The following RYR3 variants were observed in gnomAD, a reference collection of about 807,000 sequenced individuals.
The protein encoded by RYR3 is brain ryanodine receptor-calcium release channel.
RYR3 carries 207 observed loss-of-function variants against 584.3 expected under a neutral mutation model. The ratio of observed to expected loss-of-function variants is 0.35; its 90% CI spans 0.32 to 0.40. The LOEUF (loss-of-function observed/expected upper bound fraction) is 0.40, where lower values mean the gene tolerates loss of function less well. Ranked by LOEUF, RYR3 falls within the 10% of genes least tolerant of loss-of-function variation. RYR3 has a pLI of 1.00. For missense variants in RYR3, 5,616 were observed against 6,089.2 expected (o/e 0.92, Z 2.59); for synonymous variants, 2,416 against 2,248.5 (o/e 1.07, Z -2.11).
intron 98 of RYR3, among the ~76,000 whole-genome samples, 196 bp from the exon 99 acceptor site, chr15:33,857,584 C>G (rs9806577): frequency 0.038 from 5,768 of 152,202 alleles, 356 homozygotes; most frequent in African/African-American, 0.13. Flanking sequence ...AGGAAGCCCG[C>G]TTCTCTTTAC....
In RYR3 at chr15:33,704,296, AG is replaced by A. The variant is rs1308138296; in HGVS notation, c.6484-2622del. On this transcript the variant is annotated intron_variant, in intron 42 of 103. Transcript: ENST00000634891. ...GACTCCGTCTCAAAAAAAAAAAAAA[AG>A]AAAGAAAAAAATCTGCTGAAAGAAG... Among the ~76,000 whole-genome samples the A allele has an allele frequency of 1.7e-4, 26 of 151,364 alleles. 1 individual carries two copies. Among genetic ancestry groups the A allele is most frequent in the Admixed American group, 1.6e-3 (24 of 15,218 alleles).
In RYR3 at chr15:33,628,517, A is replaced by C. The variant is rs372568152; in HGVS notation, c.2621A>C (p.Glu874Ala). The C allele has an allele frequency of 2.2e-5, 35 of 1,613,762 alleles. 1 individual carries two copies. Among genetic ancestry groups the C allele is most frequent in the Non-Finnish European group, 2.6e-5 (31 of 1,179,776 alleles). The change falls in exon 21 of 104, where the codon GAA becomes GCA. Residue 874 changes from glutamate (E) to alanine (A), a missense_variant. This residue lies in a region of RYR3 where 1,284 missense variants were observed against 1,344.6 expected (regional missense o/e 0.95). Transcript: ENST00000634891. Reference sequence around the variant, plus strand: ...GAAAAGATCCGAGACAGACTAGCTGAAAACATCCATGAGCTTTGGGGAATG... The same window carrying C: ...GAAAAGATCCGAGACAGACTAGCTGCAAACATCCATGAGCTTTGGGGAATG... ...HLEKIRDRLA[E>A]NIHELWGMNK...
intron 19 of RYR3, among the ~76,000 whole-genome samples, chr15:33,618,217 A>G (rs2060548860): frequency 1.3e-5 from 2 of 152,338 alleles, no homozygotes; most frequent in South Asian, 2.1e-4. Context: ...TTATGGCTAT[A>G]GTTAAACTCC....
chr15:33,414,772 T>C (rs2043673106), intron 1 of RYR3, among the ~76,000 whole-genome samples: 2 of 152,116 alleles, frequency 1.3e-5, no homozygotes, highest in African/African-American at 4.8e-5. Flanking sequence ...TTTTGTATTT[T>C]TAGTAGAGAC....
In RYR3 at chr15:33,722,808, A is replaced by G. The variant is rs2068044732; in HGVS notation, c.6713A>G (p.Asn2238Ser). 2 of 1,613,260 alleles carry G rather than the reference A, an allele frequency of 1.2e-6. No individual in the cohort carries two copies. The highest frequency in any genetic ancestry group is 1.7e-6 in the Non-Finnish European group (2 of 1,179,666). The change falls in exon 44 of 104, where the codon AAC becomes AGC. Residue 2238 changes from asparagine to serine, a missense_variant. By Grantham distance (46) the Asn-to-Ser change is conservative. This residue lies in a region of RYR3 where 1,280 missense variants were observed against 1,426.2 expected (regional missense o/e 0.90). Coordinates refer to ENST00000634891, the MANE Select transcript of RYR3 (RefSeq NM_001036.6). Reference sequence around the variant, plus strand: ...CCGGCCCTGCGGGGTGAGGGGGGAAACGGGCTCTTGGCAGCCATGCAGGGT... The same window carrying G: ...CCGGCCCTGCGGGGTGAGGGGGGAAGCGGGCTCTTGGCAGCCATGCAGGGT... ...FGPALRGEGGNGLLAAMQGAI... is the reference protein window; with the variant it reads ...FGPALRGEGGSGLLAAMQGAI...
In RYR3 at chr15:33,311,573, A is replaced by T. The variant is rs1160150398; in HGVS notation, c.51+477A>T. ...GGAAGGAGCCAGCGGGGCAGGGGGG[A>T]GTGTGGGGAGCCGGGTCGGAGAAGC... On this transcript the variant is annotated intron_variant, in intron 1 of 103. Transcript: ENST00000634891. The surrounding 1 kb of genome is among the most constrained non-coding windows in gnomAD (Gnocchi z 4.4). 6.6e-6 allele frequency among the ~76,000 whole-genome samples: 1 copy of T among 151,540 alleles called. No homozygotes were observed. Among genetic ancestry groups the T allele is most frequent in the Non-Finnish European group, 1.5e-5 (1 of 67,870 alleles).
At chr15:33,338,234 C>T (rs1053330804) in intron 1 of RYR3, among the ~76,000 whole-genome samples, 1 of 152,068 alleles carries the variant, frequency 6.6e-6, no homozygotes, top group African/African-American at 2.4e-5. Flanking sequence ...CGTGAGCCAC[C>T]GCACCCGGCC....
intron 1 of RYR3, among the ~76,000 whole-genome samples, chr15:33,425,888 C>T (rs34115810): frequency 0.024 from 3,691 of 152,146 alleles, 67 homozygotes; most frequent in Non-Finnish European, 0.033. Context: ...GTGATCCGCC[C>T]GCCTTGGCCT....
intron 3 of RYR3, 57 bp downstream of exon 3, chr15:33,503,795 A>G (rs2052219488): frequency 1.0e-6 from 1 of 979,838 alleles, no homozygotes; most frequent in Non-Finnish European, 1.6e-6. Context: ...TCCCCAAAAT[A>G]CGTTCTACAT....
intron 1 of RYR3, among the ~76,000 whole-genome samples, chr15:33,433,023 A>G (rs1428303351): frequency 6.6e-6 from 1 of 151,954 alleles, no homozygotes; most frequent in East Asian, 1.9e-4. Context: ...TGGTCTGTCC[A>G]TTACCTGAGG....
chr15:33,469,452 C>T (rs1567307075), intron 1 of RYR3, among the ~76,000 whole-genome samples: 1 of 151,842 alleles, frequency 6.6e-6, no homozygotes, highest in Non-Finnish European at 1.5e-5. Context: ...TGCTTTGGGT[C>T]AAATAATAGC....
chr15:33,400,315 T>C (rs2042566641), intron 1 of RYR3, among the ~76,000 whole-genome samples: 1 of 152,018 alleles, frequency 6.6e-6, no homozygotes, highest in South Asian at 2.1e-4. Flanking sequence ...ATTTGGAAAA[T>C]AAATGGAATG....
At chr15:33,587,528 A>G (rs2058917644) in intron 16 of RYR3, among the ~76,000 whole-genome samples, 1 of 152,164 alleles carries the variant, frequency 6.6e-6, no homozygotes, top group Non-Finnish European at 1.5e-5. Flanking sequence ...TACCCATTCC[A>G]CAGTTGAGAA....
chr15:33,811,234 G>T (rs186076480), intron 72 of RYR3, among the ~76,000 whole-genome samples, 197 bp downstream of exon 72: 7 of 151,930 alleles, frequency 4.6e-5, no homozygotes, highest in Non-Finnish European at 8.8e-5. Flanking sequence ...GGCTGGGCGC[G>T]GTGGCTCACA....
At chr15:33,500,189 C>T (rs139999964) in intron 2 of RYR3, among the ~76,000 whole-genome samples, 128 of 152,278 alleles carry the variant, frequency 8.4e-4, no homozygotes, top group African/African-American at 2.8e-3. Flanking sequence ...GCATCAAGAA[C>T]GATATAAGCC....
intron 100 of RYR3, 112 bp downstream of exon 100, chr15:33,859,843 T>C: frequency 1.7e-6 from 2 of 1,200,040 alleles, no homozygotes; most frequent in East Asian, 2.6e-5. Flanking sequence ...CATTTACTTG[T>C]TAATTTAGCA....
chr15:33,777,639 G>C (rs930587100), intron 64 of RYR3, among the ~76,000 whole-genome samples: 2 of 152,012 alleles, frequency 1.3e-5, no homozygotes, highest in African/African-American at 4.8e-5. Context: ...AAATATGAGA[G>C]GGCAGGGCCA....
chr15:33,697,635 G>A (rs1353064058), intron 39 of RYR3, among the ~76,000 whole-genome samples: 3 of 152,136 alleles, frequency 2.0e-5, no homozygotes, highest in Admixed American at 6.5e-5. Context: ...ATGTTTAATA[G>A]GTCATCAGAA....
chr15:33,547,639 G>T (rs1262204715), intron 8 of RYR3, among the ~76,000 whole-genome samples: 4 of 152,196 alleles, frequency 2.6e-5, no homozygotes, highest in African/African-American at 9.7e-5. Context: ...ATCATGAACA[G>T]TGTAACAACT....
Sources: allele counts gnomAD v4.1 joint callset (sites outside exome capture counted in the v4.1 genomes callset), GRCh38; gene constraint gnomAD v4.1.1; regional missense constraint gnomAD v4.1.1; non-coding constraint Gnocchi (gnomAD v3.1); transcripts MANE v1.5; gene names NCBI Gene and HGNC (gene_info 2026-07-23, HGNC 2026-07-21).